Variants in KLHL32 observed in about 807,000 individuals in gnomAD.
KLHL32 encodes the protein kelch like family member 32.
KLHL32 carries 35 observed loss-of-function variants against 64.8 expected under a neutral mutation model. That is an observed-to-expected ratio of 0.54 (90% CI 0.41 to 0.72). The LOEUF is 0.72. Among genes scored for constraint, KLHL32 ranks in the 30% least tolerant of loss-of-function variants. KLHL32 has a pLI of 0.00. For synonymous variants in KLHL32, 259 were observed against 281.0 expected, an observed-to-expected ratio of 0.92 and a Z score of 0.78; for missense variants, 589 against 768.5, an observed-to-expected ratio of 0.77 and a Z score of 2.76.
At chr6:97,134,555 T>A (rs1414776099) in intron 10 of KLHL32, among the ~76,000 whole-genome samples, 5 of 152,356 alleles carry the variant, frequency 3.3e-5, no homozygotes, top group African/African-American at 1.2e-4. Context: ...GCTGGAACAC[T>A]GTTTTTTAAA....
intron 3 of KLHL32, among the ~76,000 whole-genome samples, chr6:96,989,929 G>A (rs1448989930): frequency 6.6e-6 from 1 of 152,128 alleles, no homozygotes; most frequent in Non-Finnish European, 1.5e-5. Flanking sequence ...CTGTTTGTCA[G>A]CTCTATCAGA....
At chr6:97,049,745 T>C (rs1786548227) in intron 4 of KLHL32, among the ~76,000 whole-genome samples, 1 of 152,246 alleles carries the variant, frequency 6.6e-6, no homozygotes, top group African/African-American at 2.4e-5. Flanking sequence ...GTTACTTTTT[T>C]GCTTTTTTAG....
intron 6 of KLHL32, among the ~76,000 whole-genome samples, chr6:97,088,581 T>C (rs1297293935): frequency 6.6e-6 from 1 of 152,196 alleles, no homozygotes; most frequent in African/African-American, 2.4e-5. Context: ...AAACTTTCAG[T>C]TAGAAAATAA....
At chr6:96,916,380 G>A in the KLHL32 span, among the ~76,000 whole-genome samples, 1 of 152,088 alleles carries the variant, frequency 6.6e-6, no homozygotes, top group Non-Finnish European at 1.5e-5. Context: ...TCTTTCTCAG[G>A]ACATATTTAG....
chr6:96,938,965 G>A (rs1770947543), intron 1 of KLHL32, among the ~76,000 whole-genome samples: 1 of 152,174 alleles, frequency 6.6e-6, no homozygotes, highest in South Asian at 2.1e-4. Context: ...ACTGAGGACA[G>A]CAGGCCTTTC....
chr6:97,024,637 T>G (rs1782470089), intron 3 of KLHL32, among the ~76,000 whole-genome samples: 1 of 152,148 alleles, frequency 6.6e-6, no homozygotes, highest in Admixed American at 6.5e-5. Context: ...TTTCAGTCAT[T>G]CATTTAATTT....
chr6:96,974,779 C>T (rs558873877), intron 2 of KLHL32, among the ~76,000 whole-genome samples: 1 of 152,358 alleles, frequency 6.6e-6, no homozygotes, highest in Admixed American at 6.5e-5. Context: ...CAAATAAACC[C>T]ACCATGCAAA....
intron 6 of KLHL32, among the ~76,000 whole-genome samples, chr6:97,108,274 A>G (rs780669003): frequency 6.6e-6 from 1 of 152,154 alleles, no homozygotes; most frequent in Non-Finnish European, 1.5e-5. Context: ...AGAATAAATA[A>G]GATAGAATAG....
the KLHL32 span, among the ~76,000 whole-genome samples, chr6:96,898,267 T>G: frequency 2.0e-5 from 3 of 152,186 alleles, no homozygotes; most frequent in Non-Finnish European, 2.9e-5. Flanking sequence ...TTGAAGTTGT[T>G]TCACAGGGCA....
chr6:97,100,772 G>C (rs937093619), intron 6 of KLHL32, among the ~76,000 whole-genome samples: 2 of 148,494 alleles, frequency 1.3e-5, no homozygotes, highest in African/African-American at 2.5e-5. Context: ...GCCAGTGAAC[G>C]TGCTCTTGTG....
chr6:97,113,663 T>G, intron 6 of KLHL32, 120 bp from the exon 7 acceptor site: 1 of 1,289,158 alleles, frequency 7.8e-7, no homozygotes, highest in Non-Finnish European at 1.1e-6. Context: ...TTATACTGTT[T>G]GTAAGAAAGT....
At chr6:97,097,060 C>A (rs1056362304) in intron 6 of KLHL32, among the ~76,000 whole-genome samples, 1 of 152,152 alleles carries the variant, frequency 6.6e-6, no homozygotes, top group African/African-American at 2.4e-5. Context: ...TTTTATAACT[C>A]TGCACTGTCA....
intron 3 of KLHL32, among the ~76,000 whole-genome samples, chr6:97,023,409 C>T (rs1448601481): frequency 2.6e-5 from 4 of 152,114 alleles, no homozygotes; most frequent in Non-Finnish European, 4.4e-5. Context: ...TAACTTCTTT[C>T]AATTTCACAA....
chr6:97,044,703 T>C (rs1582829182), intron 4 of KLHL32, among the ~76,000 whole-genome samples: 1 of 152,068 alleles, frequency 6.6e-6, no homozygotes, highest in Admixed American at 6.5e-5. Context: ...GCTATTGGTC[T>C]GTTCAGATTT....
chr6:97,102,726 T>A (rs545512970), intron 6 of KLHL32, among the ~76,000 whole-genome samples: 13 of 152,284 alleles, frequency 8.5e-5, no homozygotes, highest in Non-Finnish European at 1.5e-4. Context: ...TGGGTTTCAT[T>A]TTTCCTATGG....
At chr6:97,085,793 C>T (rs969566236) in intron 6 of KLHL32, among the ~76,000 whole-genome samples, 7 of 152,124 alleles carry the variant, frequency 4.6e-5, no homozygotes, top group African/African-American at 1.7e-4. Context: ...GCTTGGATCT[C>T]GAATGAAATG....
chr6:96,989,554 G>T (rs1777591756), intron 3 of KLHL32, among the ~76,000 whole-genome samples: 1 of 151,928 alleles, frequency 6.6e-6, no homozygotes, highest in Non-Finnish European at 1.5e-5. Context: ...TGTGAGCCTT[G>T]GAGAATCTGA....
intron 5 of KLHL32, among the ~76,000 whole-genome samples, chr6:97,068,652 C>T (rs1691990730): frequency 6.6e-6 from 1 of 152,156 alleles, no homozygotes; most frequent in South Asian, 2.1e-4. Flanking sequence ...TTTATCAGCA[C>T]ACTTTGTGAA....
Position 97,139,528 on chromosome 6 carries a change from T to C in KLHL32, c.*246T>C. On this transcript the variant is annotated 3_prime_UTR_variant, in exon 11 of 11. Coordinates refer to ENST00000369261, the MANE Select transcript of KLHL32 (RefSeq NM_052904.4). ...TAGCTTAGTGCCAATTTAAGGTATA[T>C]TGTGTTCCATGGGTCTTTAGAGCAT... 4.7e-6 allele frequency: 2 copies of C among 421,322 alleles called. No individual in the cohort carries two copies. Among genetic ancestry groups the C allele is most frequent in the East Asian group, 4.4e-5 (1 of 22,686 alleles). 26.1% of individuals were successfully genotyped at this position (421,322 alleles called of 1,614,324 possible).
Sources: allele counts gnomAD v4.1 joint callset (sites outside exome capture counted in the v4.1 genomes callset), GRCh38; gene constraint gnomAD v4.1.1; transcripts MANE v1.5; gene names NCBI Gene and HGNC (gene_info 2026-07-23, HGNC 2026-07-21).